The following SIRPB2 variants were observed in gnomAD, a reference collection of about 807,000 sequenced individuals.
SIRPB2 encodes the protein signal regulatory protein beta 2, also known as signal-regulatory protein beta-2.
In SIRPB2, 18 loss-of-function variants were observed where a neutral mutation model predicts 27.1. The observed-to-expected ratio is 0.66, with a 90% CI of 0.46 to 0.98. The LOEUF (loss-of-function observed/expected upper bound fraction) is 0.98, where lower values mean the gene tolerates loss of function less well. Among genes scored for constraint, SIRPB2 ranks in the 50% least tolerant of loss-of-function variants. SIRPB2 has a pLI of 0.00. For synonymous variants in SIRPB2, 150 were observed against 164.6 expected, an observed-to-expected ratio of 0.91 and a Z score of 0.68; for missense variants, 420 against 417.4, an observed-to-expected ratio of 1.01 and a Z score of -0.06.
rs1440264564 is a variant in SIRPB2 at position 1,476,300 on chromosome 20, A to G, written c.896T>C (p.Leu299Pro). The change falls in exon 5 of 5, where the codon CTG becomes CCG. Residue 299 changes from leucine to proline, a missense_variant. Leu to Pro is a moderately conservative substitution (Grantham distance 98). Transcript: ENST00000359801. ...LVVFAPVVLG[L>P]KAITLAALLL... is the part of the protein sequence containing the mutation. ...GAGTGCAGCCAAGGTAATTGCCTTCAGCCCCAGGACCACAGGTGCGAACAC... is the reference window on the plus strand; with the variant it reads ...GAGTGCAGCCAAGGTAATTGCCTTCGGCCCCAGGACCACAGGTGCGAACAC... 1 of 1,613,698 alleles carries G rather than the reference A, an allele frequency of 6.2e-7. No homozygotes were observed. The highest frequency in any genetic ancestry group is 1.3e-5 in the African/African-American group (1 of 74,888).
downstream of SIRPB2, among the ~76,000 whole-genome samples, chr20:1,472,342 C>T (rs139242308): frequency 2.9e-3 from 442 of 152,290 alleles, 1 homozygote; most frequent in African/African-American, 0.01. Context: ...CTTTAGTGGA[C>T]TTGCCTCCAC....
intron 1 of SIRPB2, among the ~76,000 whole-genome samples, chr20:1,483,040 T>C (rs961707353): frequency 1.3e-5 from 2 of 152,152 alleles, no homozygotes; most frequent in Non-Finnish European, 2.9e-5. Flanking sequence ...CTGTTTTCCA[T>C]AGTGGCTGTA....
intron 1 of SIRPB2, among the ~76,000 whole-genome samples, chr20:1,486,496 C>G (rs1237813727): frequency 6.6e-6 from 1 of 152,070 alleles, no homozygotes; most frequent in Non-Finnish European, 1.5e-5. Context: ...GAAACCGAAG[C>G]CTTTTCCTTT....
intron 1 of SIRPB2, among the ~76,000 whole-genome samples, chr20:1,482,529 T>TCC (rs2090681634): frequency 6.6e-6 from 1 of 151,656 alleles, no homozygotes; most frequent in African/African-American, 2.4e-5. Context: ...CTTCCTTTCT[T>TCC]TCTTCCTTTC....
chr20:1,471,046 T>C (rs546853929), downstream of SIRPB2: 4 of 152,390 alleles, frequency 2.6e-5, no homozygotes, highest in Admixed American at 2.6e-4. Flanking sequence ...CTTTCTTCAA[T>C]AAACTCTGCT....
rs2090653277 is a variant in SIRPB2, at chr20:1,479,981, A to G, written c.170T>C (p.Leu57Pro). 1 of 1,614,076 alleles carries G rather than the reference A, an allele frequency of 6.2e-7. No homozygotes were observed. The highest frequency in any genetic ancestry group is 1.1e-5 in the South Asian group (1 of 91,094). Residue 57 changes from leucine (L) to proline (P), a missense_variant, in exon 2 of 5, where the codon CTA becomes CCA. Coordinates refer to ENST00000359801, the MANE Select transcript of SIRPB2 (RefSeq NM_001122962.2). ...PMLVAEGETL[L>P]LRCMVVGSCT... ...GGAGCCGACCACCATACACCTCAGT[A>G]GAAGTGTCTCACCTTCTGCCACCAG...
chr20:1,485,248 G>A (rs2090713578), intron 1 of SIRPB2, among the ~76,000 whole-genome samples: 1 of 152,098 alleles, frequency 6.6e-6, no homozygotes. Context: ...GACTTAAAAT[G>A]TTCCTAACAC....
chr20:1,481,102 G>A (rs909991119), intron 1 of SIRPB2, among the ~76,000 whole-genome samples: 2 of 152,184 alleles, frequency 1.3e-5, no homozygotes, highest in Non-Finnish European at 2.9e-5. Context: ...ATCATCACAT[G>A]TATTCCTTCT....
intron 1 of SIRPB2, among the ~76,000 whole-genome samples, chr20:1,489,735 G>A (rs118138527): frequency 0.021 from 3,195 of 152,116 alleles, 152 homozygotes; most frequent in Admixed American, 0.12. Flanking sequence ...AAATGTGTTA[G>A]CCCCAGTCTC....
chr20:1,486,508 G>A (rs375401647), intron 1 of SIRPB2, among the ~76,000 whole-genome samples: 179 of 151,982 alleles, frequency 1.2e-3, no homozygotes, highest in African/African-American at 4.2e-3. Context: ...TTTTCCTTTC[G>A]AGAAAGGAAA....
In SIRPB2 at chr20:1,478,056, A is replaced by G. The variant is rs530597510; in HGVS notation, c.793+210T>C. On this transcript the variant is annotated intron_variant, in intron 3 of 4. Transcript: ENST00000359801. ...GAAATTAACTCTGCTTGAGAGGAGG[A>G]GAAGGTTTTACAGAGGAAGGGCCAT... 4.4e-6 allele frequency: 3 copies of G among 686,672 alleles called. No individual in the cohort carries two copies. The African/African-American group carries it at 5.3e-5, about 12-fold the overall frequency. The allele number at this position is 686,672 out of a possible 1,614,324, so 42.5% of individuals were successfully genotyped here. A position where few individuals can be genotyped will look rare whatever the true frequency, so the allele number is the denominator to read the frequency against.
At chr20:1,471,434 A>G (rs1192762161), downstream of SIRPB2, among the ~76,000 whole-genome samples, 1 of 152,244 alleles carries the variant, frequency 6.6e-6, no homozygotes, top group African/African-American at 2.4e-5. Context: ...GGAATACTAT[A>G]CAGTTCTGAA....
At chr20:1,480,120 A>G in intron 1 of SIRPB2, 55 bp from the exon 2 acceptor site, 3 of 1,530,474 alleles carry the variant, frequency 2.0e-6, no homozygotes, top group Non-Finnish European at 1.7e-6. Context: ...GGAGCCCTAA[A>G]TGACAAGCTT....
chr20:1,479,760 C>T lies in SIRPB2; in HGVS notation c.391G>A (p.Asp131Asn), dbSNP rs1273751699. The change falls in exon 2 of 5, where the codon GAT (aspartate) becomes AAT (asparagine). Residue 131 changes from aspartate (D) to asparagine (N), a missense_variant. Transcript: ENST00000359801. ...HTGTYHCVRF[D>N]GLSEHSEMKS... ...ATTTCTGAGTGTTCACTCAAACCAT[C>T]AAACCTCACACAGTGGTAGGTTCCA... 6.2e-6 allele frequency: 10 copies of T among 1,614,256 alleles called. No homozygotes were observed. The highest frequency in any genetic ancestry group is 8.5e-6 in the Non-Finnish European group (10 of 1,180,046).
Position 1,478,477 on chromosome 20 carries a change from G to GA in SIRPB2, c.581dup (p.Gln195ProfsTer30). The stretch of plus-strand genomic sequence containing the variant: ...CCTCCCGGCTCAGACCAGCTCCCTG[G>GA]AACCACCTGATGGGTCCAGGGGGAC... On this transcript the variant is annotated frameshift_variant, in exon 3 of 5. Transcript: ENST00000359801. LOFTEE classifies it high-confidence loss of function. The GA allele has an allele frequency of 6.2e-7, 1 of 1,614,138 alleles. No homozygotes were observed. The highest frequency in any genetic ancestry group is 2.2e-5 in the East Asian group (1 of 44,874).
At chr20:1,485,850 A>G (rs2090720741) in intron 1 of SIRPB2, among the ~76,000 whole-genome samples, 1 of 152,096 alleles carries the variant, frequency 6.6e-6, no homozygotes, top group African/African-American at 2.4e-5. Context: ...AAAGAATATT[A>G]TGGAAAACTT....
intron 1 of SIRPB2, 30 bp from the exon 2 acceptor site, chr20:1,480,095 G>A: frequency 1.3e-6 from 2 of 1,561,052 alleles, no homozygotes; most frequent in Non-Finnish European, 1.7e-6. Flanking sequence ...ACCTTGCACT[G>A]GGCAGGAAGG....
At position 1,475,839 on chromosome 20, in the gene SIRPB2, A is replaced by G; in HGVS notation, c.*328T>C. Reference sequence around the variant, plus strand: ...AAGAAGACTCTGAGTTGGATGTTGGAGGCCAAGAAGGATGTAGCGAGGTGG... The same window carrying G: ...AAGAAGACTCTGAGTTGGATGTTGGGGGCCAAGAAGGATGTAGCGAGGTGG... On this transcript the variant is annotated 3_prime_UTR_variant, in exon 5 of 5. Transcript: ENST00000359801. 4.2e-6 allele frequency: 1 copy of G among 235,672 alleles called. No homozygotes were observed. Among genetic ancestry groups the G allele is most frequent in the Non-Finnish European group, 8.3e-6 (1 of 120,824 alleles). The allele number at this position is 235,672 out of a possible 1,614,324, so 14.6% of individuals were successfully genotyped here. A position where few individuals can be genotyped will look rare whatever the true frequency, so the allele number is the denominator to read the frequency against.
At chr20:1,483,503 C>A (rs2090694308) in intron 1 of SIRPB2, among the ~76,000 whole-genome samples, 1 of 152,140 alleles carries the variant, frequency 6.6e-6, no homozygotes, top group African/African-American at 2.4e-5. Context: ...TGATGTTGAG[C>A]ATATTTTTTC....
Sources: allele counts gnomAD v4.1 joint callset (sites outside exome capture counted in the v4.1 genomes callset), GRCh38; gene constraint gnomAD v4.1.1; transcripts MANE v1.5; gene names NCBI Gene and HGNC (gene_info 2026-07-23, HGNC 2026-07-21).